Variants in ACBD6 observed in about 807,000 individuals in gnomAD.
The protein encoded by ACBD6 is acyl-CoA binding domain containing 6.
ACBD6 carries 28 observed loss-of-function variants against 37.2 expected under a neutral mutation model. The ratio of observed to expected loss-of-function variants is 0.75; its 90% CI spans 0.56 to 1.03. The LOEUF is 1.03. Among genes scored for constraint, ACBD6 ranks in the 50% least tolerant of loss-of-function variants. The probability of loss-of-function intolerance (pLI) is 0.00; values close to 1 mark genes in which losing one functional copy is unlikely to be tolerated. For synonymous variants in ACBD6, 113 were observed against 126.8 expected (o/e 0.89, Z 0.73); for missense variants, 340 against 337.4 (o/e 1.01, Z -0.06).
At position 180,394,507 on chromosome 1, in the gene ACBD6, A is replaced by G. The variant is rs569219165; in HGVS notation, c.663+3009T>C. ...AAAAATAAATGAGCAAAAATAGTAG[A>G]AAGTATTTTGAATGAGTAGTGAAGG... On this transcript the variant is annotated intron_variant, in intron 6 of 7. Transcript: ENST00000367595. Among the ~76,000 whole-genome samples the G allele has an allele frequency of 7.7e-4, 117 of 152,302 alleles. 1 individual carries two copies. Among genetic ancestry groups the G allele is most frequent in the African/African-American group, 2.7e-3 (114 of 41,558 alleles).
intron 3 of ACBD6, among the ~76,000 whole-genome samples, chr1:180,474,673 G>A (rs12141348): frequency 0.49 from 73,940 of 152,050 alleles, 20,788 homozygotes; most frequent in South Asian, 0.66. Context: ...AATCTTTCTG[G>A]CTTTTTACCT....
At chr1:180,370,214 A>G (rs1653203535) in intron 6 of ACBD6, among the ~76,000 whole-genome samples, 2 of 152,174 alleles carry the variant, frequency 1.3e-5, no homozygotes, top group African/African-American at 4.8e-5. Context: ...AGAAGCACAA[A>G]AGAGGGGGGT....
intron 3 of ACBD6, among the ~76,000 whole-genome samples, chr1:180,448,127 G>C (rs2102022397): frequency 6.6e-6 from 1 of 152,272 alleles, no homozygotes; most frequent in Non-Finnish European, 1.5e-5. Flanking sequence ...TAAAATTACA[G>C]TGAAACAGGT....
exon 14 of ACBD6, chr1:180,271,038 G>A: frequency 2.7e-6 from 1 of 376,312 alleles, no homozygotes; most frequent in South Asian, 2.2e-5. Flanking sequence ...AACTCATGAG[G>A]ATGTGTGAGC....
chr1:180,434,074 T>C (rs1216886906), intron 3 of ACBD6, among the ~76,000 whole-genome samples: 1 of 152,098 alleles, frequency 6.6e-6, no homozygotes, highest in African/African-American at 2.4e-5. Context: ...GAACCCCTCC[T>C]CTCAGCTAAG....
At chr1:180,287,205 AC>A (rs35847136), downstream of ACBD6, 133,920 of 151,678 alleles carry the variant, frequency 0.88, 59,670 homozygotes, top group East Asian at 0.98. Flanking sequence ...GTTTGAGACC[AC>A]CCTGAGGAAC....
chr1:180,298,281 AG>A, intron 7 of ACBD6, among the ~76,000 whole-genome samples: 1 of 152,360 alleles, frequency 6.6e-6, no homozygotes, highest in Non-Finnish European at 1.5e-5. Flanking sequence ...AGAAACACTT[AG>A]GCTTTAAAAT....
chr1:180,484,018 T>C lies in ACBD6; in HGVS notation c.384+8251A>G, dbSNP rs568785878. 5.9e-5 allele frequency among the ~76,000 whole-genome samples: 9 copies of C among 152,336 alleles called. No homozygotes were observed. In the East Asian group the frequency reaches 9.6e-4, roughly 16 times the overall value. On this transcript the variant is annotated intron_variant, in intron 3 of 7. Coordinates refer to ENST00000367595, the MANE Select transcript of ACBD6 (RefSeq NM_032360.4). The stretch of plus-strand genomic sequence containing the variant: ...AATATTTATCAGGAATAAAAACACA[T>C]CTTTTTGTCCAGAGTGGAAAATACA...
intron 3 of ACBD6, among the ~76,000 whole-genome samples, chr1:180,471,942 C>T (rs913515967): frequency 9.2e-5 from 14 of 152,320 alleles, no homozygotes; most frequent in Admixed American, 9.2e-4. Flanking sequence ...TATGCCTCAG[C>T]AGAGGTTTAT....
At chr1:180,427,671 C>T (rs1267185915) in intron 4 of ACBD6, among the ~76,000 whole-genome samples, 1 of 152,070 alleles carries the variant, frequency 6.6e-6, no homozygotes, top group African/African-American at 2.4e-5. Context: ...GCCTGTAATC[C>T]CAGCACTTTG....
exon 14 of ACBD6, chr1:180,271,545 A>G: frequency 6.2e-7 from 1 of 1,614,016 alleles, no homozygotes; most frequent in South Asian, 1.1e-5. Flanking sequence ...GTGAGATGCC[A>G]GCACTCCTGT....
At chr1:180,396,074 A>ATG (rs755461766) in intron 6 of ACBD6, among the ~76,000 whole-genome samples, 16 of 152,204 alleles carry the variant, frequency 1.1e-4, no homozygotes, top group African/African-American at 1.7e-4. Context: ...GATTCCACTT[A>ATG]TATGAGGTAC....
At chr1:180,271,068 G>C in exon 14 of ACBD6, 1 of 432,522 alleles carries the variant, frequency 2.3e-6, no homozygotes, top group Non-Finnish European at 4.4e-6. Context: ...GTCATGACAG[G>C]GACGTGTGGA....
At chr1:180,295,009 C>CT (rs978202654) in intron 7 of ACBD6, among the ~76,000 whole-genome samples, 2 of 152,022 alleles carry the variant, frequency 1.3e-5, no homozygotes, top group African/African-American at 2.4e-5. Flanking sequence ...TGTTTCTTCT[C>CT]TTTTTTTTCT....
At chr1:180,271,107 C>T in exon 14 of ACBD6, 1 of 527,618 alleles carries the variant, frequency 1.9e-6, no homozygotes, top group Non-Finnish European at 3.5e-6. Context: ...GATGAGACTT[C>T]TGTGCAGCTG....
chr1:180,270,283 G>C (rs1363595498), exon 14 of ACBD6: 2 of 152,380 alleles, frequency 1.3e-5, no homozygotes, highest in Non-Finnish European at 2.9e-5. Context: ...GGGTTTTCTT[G>C]AATGGAAAGA....
chr1:180,343,148 A>G (rs1482179818), intron 6 of ACBD6, among the ~76,000 whole-genome samples: 1 of 152,142 alleles, frequency 6.6e-6, no homozygotes, highest in Non-Finnish European at 1.5e-5. Context: ...AATTAAAAAT[A>G]AACAAAATTA....
chr1:180,495,051 C>T (rs1651678235), intron 2 of ACBD6, among the ~76,000 whole-genome samples: 1 of 152,170 alleles, frequency 6.6e-6, no homozygotes, highest in Admixed American at 6.5e-5. Context: ...GGAGATAAAA[C>T]TGGGACAAGG....
intron 8 of ACBD6, among the ~76,000 whole-genome samples, chr1:180,281,919 C>G (rs971902502): frequency 6.6e-6 from 1 of 152,170 alleles, no homozygotes; most frequent in South Asian, 2.1e-4. Flanking sequence ...AAGAGTATAT[C>G]ACATCCTCTC....
Sources: allele counts gnomAD v4.1 joint callset (sites outside exome capture counted in the v4.1 genomes callset), GRCh38; gene constraint gnomAD v4.1.1; transcripts MANE v1.5; gene names NCBI Gene and HGNC (gene_info 2026-07-23, HGNC 2026-07-21).